NSMCE2: variants seen among roughly 807,000 people sequenced by gnomAD.
The protein encoded by NSMCE2 is NSE2 SUMO ligase component of SMC5/6 complex, also known as E3 SUMO-protein ligase NSE2.
NSMCE2 carries 24 observed loss-of-function variants against 23.8 expected under a neutral mutation model. The ratio of observed to expected loss-of-function variants is 1.01; its 90% CI spans 0.73 to 1.42. The LOEUF (loss-of-function observed/expected upper bound fraction) is 1.42, where lower values mean the gene tolerates loss of function less well. Ranked by LOEUF, NSMCE2 falls within the 40% of genes most tolerant of loss-of-function variation. The pLI is 0.00. For synonymous variants in NSMCE2, 92 were observed against 94.1 expected, an observed-to-expected ratio of 0.98 and a Z score of 0.13; for missense variants, 284 against 296.5, an observed-to-expected ratio of 0.96 and a Z score of 0.31.
intron 5 of NSMCE2, among the ~76,000 whole-genome samples, chr8:125,336,551 G>A (rs1269949047): frequency 6.6e-6 from 1 of 152,232 alleles, no homozygotes; most frequent in Non-Finnish European, 1.5e-5. Flanking sequence ...TGGATTTGGA[G>A]AAGTGATGAG....
chr8:125,360,972 C>T (rs1813517360), intron 7 of NSMCE2, among the ~76,000 whole-genome samples: 1 of 151,958 alleles, frequency 6.6e-6, no homozygotes, highest in African/African-American at 2.4e-5. Flanking sequence ...GACTTTAGCC[C>T]CAGCCAAGCA....
chr8:125,150,426 CTTTTT>C (rs71295819), intron 3 of NSMCE2, among the ~76,000 whole-genome samples: 2 of 61,846 alleles, frequency 3.2e-5, no homozygotes, highest in African/African-American at 7.4e-5. Context: ...TTCTTTCTTT[CTTTTT>C]TTTTTTTTTT....
rs1291074755 is a variant in NSMCE2, at chr8:125,197,041, TG to T, written c.418+14789del. On this transcript the variant is annotated intron_variant, in intron 5 of 7. Transcript: ENST00000287437. ...TTCGTATCCTTTGCCCACTTTTTAATGGGGTTGTTTTTTTCTTGTAAATTTG... is the reference window on the plus strand; with the variant it reads ...TTCGTATCCTTTGCCCACTTTTTAATGGGTTGTTTTTTTCTTGTAAATTTG... Among the ~76,000 whole-genome samples the T allele has an allele frequency of 2.0e-5, 3 of 150,750 alleles. No homozygotes were observed. The Admixed American group carries it at 2.0e-4, about 10-fold the overall frequency.
chr8:125,266,154 C>T (rs1026037767), intron 5 of NSMCE2, among the ~76,000 whole-genome samples: 13 of 148,578 alleles, frequency 8.7e-5, no homozygotes, highest in East Asian at 2.0e-4. Flanking sequence ...GTGCAATGCG[C>T]GATCTCCGCT....
chr8:125,343,243 G>A (rs757598858), intron 5 of NSMCE2, among the ~76,000 whole-genome samples: 2 of 152,130 alleles, frequency 1.3e-5, no homozygotes, highest in Non-Finnish European at 2.9e-5. Context: ...TAACAGATGT[G>A]ACAACTTATA....
chr8:125,313,086 C>T (rs1308049180), intron 5 of NSMCE2, among the ~76,000 whole-genome samples: 1 of 137,600 alleles, frequency 7.3e-6, no homozygotes, highest in South Asian at 2.2e-4. Context: ...GCACATGTAT[C>T]CCAGAACTTA....
At chr8:125,182,496 G>A (rs1002446225) in intron 5 of NSMCE2, 3 of 552,272 alleles carry the variant, frequency 5.4e-6, no homozygotes, top group Admixed American at 3.8e-5. Flanking sequence ...CCAGCAGCTA[G>A]TTATGTGTAT....
At chr8:125,122,100 T>C (rs1163956002) in intron 3 of NSMCE2, among the ~76,000 whole-genome samples, 1 of 150,836 alleles carries the variant, frequency 6.6e-6, no homozygotes, top group African/African-American at 2.4e-5. Flanking sequence ...GATGAGTTCT[T>C]CATTAAAACC....
intron 5 of NSMCE2, among the ~76,000 whole-genome samples, chr8:125,267,911 A>G (rs1827005916): frequency 6.6e-6 from 1 of 152,088 alleles, no homozygotes. Flanking sequence ...GAAAGCAGAG[A>G]GAGTACTTAT....
intron 5 of NSMCE2, among the ~76,000 whole-genome samples, chr8:125,236,208 G>GAGTTTCTAGGGTGCTAAGA (rs1465713879): frequency 3.3e-5 from 5 of 152,294 alleles, no homozygotes; most frequent in African/African-American, 1.2e-4. Flanking sequence ...TGAGGTCAGG[G>GAGTTTCTAGGGTGCTAAGA]AGTTTCTAGG....
intron 5 of NSMCE2, among the ~76,000 whole-genome samples, chr8:125,333,832 C>T (rs1247440241): frequency 6.6e-6 from 1 of 152,108 alleles, no homozygotes; most frequent in African/African-American, 2.4e-5. Context: ...GTTCTGATAC[C>T]ACCAAGTTTG....
Position 125,297,093 on chromosome 8 carries a change from T to C in NSMCE2, c.419-60126T>C, listed in dbSNP as rs1255586943. 2.6e-5 allele frequency among the ~76,000 whole-genome samples: 4 copies of C among 152,194 alleles called. No homozygotes were observed. The East Asian group carries it at 7.7e-4, about 29-fold the overall frequency. The stretch of plus-strand genomic sequence containing the variant: ...CACTGGGCCATTTTACTGTGAGATA[T>C]CCTAAAATCAATGAATTCGTAACAT... On this transcript the variant is annotated intron_variant, in intron 5 of 7. Coordinates refer to ENST00000287437, the MANE Select transcript of NSMCE2 (RefSeq NM_173685.4).
chr8:125,111,214 A>C (rs978208109), intron 3 of NSMCE2, among the ~76,000 whole-genome samples: 2 of 152,204 alleles, frequency 1.3e-5, no homozygotes, highest in African/African-American at 4.8e-5. Context: ...TGAGTAAAAA[A>C]CAACCAGCAA....
rs571854284 is a variant in NSMCE2, at chr8:125,152,823, C to T, written c.264+1546C>T. Among the ~76,000 whole-genome samples, 17 of 151,982 alleles carry T rather than the reference C, an allele frequency of 1.1e-4. No homozygotes were observed. The East Asian group carries it at 2.1e-3, about 19-fold the overall frequency. On this transcript the variant is annotated intron_variant, in intron 4 of 7. Transcript: ENST00000287437. ...CTGTAATCTCAGCACTTTGGGAGGC[C>T]GAGGCAGGCGGATCACCTGAGGTCA... is the stretch of plus-strand genomic sequence containing the variant.
At chr8:125,365,384 G>T (rs183237464) in intron 7 of NSMCE2, among the ~76,000 whole-genome samples, 1 of 151,978 alleles carries the variant, frequency 6.6e-6, no homozygotes, top group African/African-American at 2.4e-5. Flanking sequence ...ACCCTCAGCC[G>T]AGCTGCCCTC....
chr8:125,117,785 G>A (rs946616210), intron 3 of NSMCE2, among the ~76,000 whole-genome samples: 10 of 152,118 alleles, frequency 6.6e-5, no homozygotes, highest in Non-Finnish European at 1.5e-4. Flanking sequence ...AGATCTCAGT[G>A]TGTTCATCTG....
chr8:125,260,651 G>A (rs1826652774), intron 5 of NSMCE2, among the ~76,000 whole-genome samples: 1 of 151,210 alleles, frequency 6.6e-6, no homozygotes, highest in Non-Finnish European at 1.5e-5. Context: ...TTGAGATGGA[G>A]TCTTGCTCTG....
intron 5 of NSMCE2, among the ~76,000 whole-genome samples, chr8:125,317,350 C>T (rs949034696): frequency 6.6e-6 from 1 of 151,496 alleles, no homozygotes; most frequent in Non-Finnish European, 1.5e-5. Flanking sequence ...GCACATGCCA[C>T]CATGCCTGGC....
At chr8:125,167,819 G>A (rs189896455) in intron 4 of NSMCE2, among the ~76,000 whole-genome samples, 3 of 152,064 alleles carry the variant, frequency 2.0e-5, no homozygotes, top group African/African-American at 7.2e-5. Flanking sequence ...CAAGCATTGG[G>A]GGAAGTTTTC....
Sources: allele counts gnomAD v4.1 joint callset (sites outside exome capture counted in the v4.1 genomes callset), GRCh38; gene constraint gnomAD v4.1.1; transcripts MANE v1.5; gene names NCBI Gene and HGNC (gene_info 2026-07-23, HGNC 2026-07-21).